The following MARK3 variants were observed in gnomAD, a reference collection of about 807,000 sequenced individuals.
MARK3 encodes the protein MAP/microtubule affinity-regulating kinase 3.
In MARK3, 46 loss-of-function variants were observed where a neutral mutation model predicts 90.1. That is an observed-to-expected ratio of 0.51 (90% CI 0.40 to 0.65). The LOEUF is 0.65. Ranked by LOEUF, MARK3 falls within the 30% of genes least tolerant of loss-of-function variation. The pLI, the probability that MARK3 is intolerant of heterozygous loss-of-function variation, is 0.00. For synonymous variants in MARK3, 321 were observed against 332.6 expected (o/e 0.97, Z 0.38); for missense variants, 818 against 947.2 (o/e 0.86, Z 1.79).
At chr14:103,407,182 G>C (rs906421092) in intron 2 of MARK3, among the ~76,000 whole-genome samples, 10 of 152,188 alleles carry the variant, frequency 6.6e-5, no homozygotes, top group Non-Finnish European at 1.5e-4. Context: ...AAATATCATA[G>C]AGTGTTTAAA....
At chr14:103,402,289 A>G (rs769882425) in intron 1 of MARK3, among the ~76,000 whole-genome samples, 3 of 152,212 alleles carry the variant, frequency 2.0e-5, no homozygotes, top group African/African-American at 4.8e-5. Flanking sequence ...GCGGTGGCTC[A>G]TGCCTGTAAT....
At chr14:103,411,740 AG>A (rs2091644732) in intron 2 of MARK3, among the ~76,000 whole-genome samples, 1 of 151,954 alleles carries the variant, frequency 6.6e-6, no homozygotes, top group African/African-American at 2.4e-5. Context: ...CGCCTGCCTC[AG>A]CCTCCTGAGT....
In MARK3 at chr14:103,405,261, C is replaced by A; in HGVS notation, c.237C>A (p.Gly79=). The A allele has an allele frequency of 6.5e-7, 1 of 1,531,990 alleles. No individual in the cohort carries two copies. Among genetic ancestry groups the A allele is most frequent in the South Asian group, 1.3e-5 (1 of 78,012 alleles). The allele number at this position is 1,531,990 out of a possible 1,614,324, so 94.9% of individuals were successfully genotyped here. A position where few individuals can be genotyped will look rare whatever the true frequency, so the allele number is the denominator to read the frequency against. Reference sequence around the variant, plus strand: ...AATTGGCAAGACATATCCTTACAGGCAGAGAGGTAAATACCAGTTATGCTT... The same window carrying A: ...AATTGGCAAGACATATCCTTACAGGAAGAGAGGTAAATACCAGTTATGCTT... The part of the protein sequence containing the change: ...KVKLARHILT[G]REVAIKIIDK... Residue 79 remains glycine (G), a synonymous_variant, in exon 2 of 18, where the codon GGC becomes GGA. Coordinates refer to ENST00000429436, the MANE Select transcript of MARK3 (RefSeq NM_001128918.3).
intron 2 of MARK3, among the ~76,000 whole-genome samples, chr14:103,419,860 G>A (rs1388249142): frequency 3.3e-5 from 5 of 152,194 alleles, no homozygotes; most frequent in Admixed American, 3.3e-4. Context: ...GTTGTCTGAG[G>A]GGAGGGGTGA....
rs374361084 is a variant in MARK3, at chr14:103,446,947, G to A, written c.298-1972G>A. Reference sequence around the variant, plus strand: ...AAAAAGAACTCAGGCCTGAATGGTTGTCAGGAATTTACTTGGGTGACTATC... The same window carrying A: ...AAAAAGAACTCAGGCCTGAATGGTTATCAGGAATTTACTTGGGTGACTATC... On this transcript the variant is annotated intron_variant, in intron 3 of 17. Transcript: ENST00000429436. 4.6e-5 allele frequency among the ~76,000 whole-genome samples: 7 copies of A among 152,190 alleles called. No individual in the cohort carries two copies. The East Asian group carries it at 1.4e-3, about 29-fold the overall frequency.
intron 14 of MARK3, among the ~76,000 whole-genome samples, chr14:103,481,409 TATGTTTGATCTCATTAGTCAAACAAA>T (rs1420128698): frequency 1.3e-5 from 2 of 152,196 alleles, no homozygotes; most frequent in Non-Finnish European, 2.9e-5. Flanking sequence ...AATCCTAACC[TATGTTTGATCTCATTAGTCAAACAAA>T]ATGTTTGATC....
At position 103,385,506 on chromosome 14, in the gene MARK3, G is replaced by C. The variant is rs376794646; in HGVS notation, c.-524G>C. ...AGGCAGCAAGCTCGCTAGAGAGGGAGAAGCAGTCGGGCGCAGGCGCCTCCT... is the reference window on the plus strand; with the variant it reads ...AGGCAGCAAGCTCGCTAGAGAGGGACAAGCAGTCGGGCGCAGGCGCCTCCT... On this transcript the variant is annotated 5_prime_UTR_variant, in exon 1 of 18. Transcript: ENST00000429436. 1.9e-5 allele frequency: 3 copies of C among 154,620 alleles called. No homozygotes were observed. The highest frequency in any genetic ancestry group is 6.5e-5 in the Admixed American group (1 of 15,298). 9.6% of individuals were successfully genotyped at this position (154,620 alleles called of 1,614,324 possible). A position where few individuals can be genotyped will look rare whatever the true frequency, so the allele number is the denominator to read the frequency against.
At chr14:103,412,559 T>A (rs1162594067) in intron 2 of MARK3, 6 of 630,602 alleles carry the variant, frequency 9.5e-6, no homozygotes, top group South Asian at 3.2e-5. Flanking sequence ...AGTGCTGCTG[T>A]TCCCCCAGGA....
intron 12 of MARK3, among the ~76,000 whole-genome samples, chr14:103,470,852 G>C (rs1228862979): frequency 6.6e-6 from 1 of 152,162 alleles, no homozygotes; most frequent in South Asian, 2.1e-4. Flanking sequence ...GGTGTGGACA[G>C]CTTTGATTTT....
intron 1 of MARK3, among the ~76,000 whole-genome samples, chr14:103,389,547 A>AAAAAAAAAAAT (rs1566749901): frequency 6.9e-6 from 1 of 144,442 alleles, no homozygotes; most frequent in East Asian, 2.1e-4. Context: ...AAAAAAAAAA[A>AAAAAAAAAAAT]AGCAGACAAC....
chr14:103,467,405 C>T (rs2093528574), intron 11 of MARK3: 2 of 322,044 alleles, frequency 6.2e-6, no homozygotes, highest in Non-Finnish European at 1.1e-5. Context: ...TGGCTCATGC[C>T]TGTAATCCCA....
At position 103,475,046 on chromosome 14, in the gene MARK3, A is replaced by T. The variant is rs776944589; in HGVS notation, c.1318A>T (p.Thr440Ser). 6 of 1,614,224 alleles carry T rather than the reference A, an allele frequency of 3.7e-6. No individual in the cohort carries two copies. In the South Asian group the frequency reaches 6.6e-5, roughly 18 times the overall value. The change falls in exon 13 of 18, where the codon ACT becomes TCT. Residue 440 changes from threonine to serine, a missense_variant. Thr to Ser is a moderately conservative substitution (Grantham distance 58). This residue lies in a region of MARK3 where 560 missense variants were observed against 613.5 expected (regional missense o/e 0.91). Transcript: ENST00000429436. ...VAYPKRSQTS[T>S]ADSDLKEDGI... The stretch of plus-strand genomic sequence containing the variant: ...GTATCCGAAAAGGAGTCAGACCAGC[A>T]CTGCAGATAGTGACCTCAAAGAAGA...
intron 15 of MARK3, among the ~76,000 whole-genome samples, chr14:103,496,996 C>T (rs1187365849): frequency 6.6e-6 from 1 of 152,138 alleles, no homozygotes; most frequent in Non-Finnish European, 1.5e-5. Context: ...GAGCTATGAT[C>T]ACACCACTGT....
chr14:103,416,836 G>T (rs1415776158), intron 2 of MARK3, among the ~76,000 whole-genome samples: 1 of 152,122 alleles, frequency 6.6e-6, no homozygotes, highest in Non-Finnish European at 1.5e-5. Context: ...CGGCATCAGT[G>T]CAGGTGAGGG....
At chr14:103,491,033 G>A in intron 14 of MARK3, 3 of 1,288,678 alleles carry the variant, frequency 2.3e-6, no homozygotes, top group Non-Finnish European at 3.0e-6. Flanking sequence ...AGAAGTCGAT[G>A]TCCATGTCAG....
rs937123306 is a variant in MARK3, at chr14:103,503,316, G to A, written c.*89G>A. On this transcript the variant is annotated 3_prime_UTR_variant, in exon 18 of 18. Transcript: ENST00000429436. Reference sequence around the variant, plus strand: ...TATAGAATAATATTTAGGCAATAACGTCTGCATCTTCTAAATCATGAAATT... The same window carrying A: ...TATAGAATAATATTTAGGCAATAACATCTGCATCTTCTAAATCATGAAATT... 1.3e-5 allele frequency: 15 copies of A among 1,134,662 alleles called. No individual in the cohort carries two copies. The highest frequency in any genetic ancestry group is 2.2e-4 in the Middle Eastern group (1 of 4,632). 70.3% of individuals were successfully genotyped at this position (1,134,662 alleles called of 1,614,324 possible). A position where few individuals can be genotyped will look rare whatever the true frequency, so the allele number is the denominator to read the frequency against.
chr14:103,494,791 C>G (rs993765275), intron 15 of MARK3, among the ~76,000 whole-genome samples: 1 of 151,944 alleles, frequency 6.6e-6, no homozygotes, highest in African/African-American at 2.4e-5. Flanking sequence ...CGCCCACCAT[C>G]GCGCCTGGCT....
intron 7 of MARK3, 80 bp from the exon 8 acceptor site, chr14:103,465,477 T>G: frequency 1.0e-6 from 1 of 969,690 alleles, no homozygotes; most frequent in Non-Finnish European, 1.6e-6. Flanking sequence ...ACAGAAAGCT[T>G]TTCTAAAATG....
In MARK3 at chr14:103,450,148, AT is replaced by A. The variant is rs199824834; in HGVS notation, c.346+1182del. ...CCTGATATCAGGGATATTAATTAAA[AT>A]GTGAAAAAAAAATTTAGAATCAATA... is the stretch of plus-strand genomic sequence containing the variant. On this transcript the variant is annotated intron_variant, in intron 4 of 17. Transcript: ENST00000429436. Among the ~76,000 whole-genome samples, 13 of 152,322 alleles carry A rather than the reference AT, an allele frequency of 8.5e-5. No individual in the cohort carries two copies. The East Asian group carries it at 2.5e-3, about 29-fold the overall frequency.
Sources: allele counts gnomAD v4.1 joint callset (sites outside exome capture counted in the v4.1 genomes callset), GRCh38; gene constraint gnomAD v4.1.1; regional missense constraint gnomAD v4.1.1; transcripts MANE v1.5; gene names NCBI Gene and HGNC (gene_info 2026-07-23, HGNC 2026-07-21).